DAG1: variants seen among roughly 807,000 people sequenced by gnomAD.
DAG1 encodes the protein dystroglycan 1 (dystrophin-associated glycoprotein 1).
Under a neutral mutation model 46.1 loss-of-function variants are expected in DAG1, and 8 were observed. The ratio of observed to expected loss-of-function variants is 0.17; its 90% CI spans 0.10 to 0.31. DAG1 has a LOEUF of 0.31. DAG1 is among the 10% of genes least tolerant of loss of function. The probability of loss-of-function intolerance (pLI) is 1.00; values close to 1 mark genes in which losing one functional copy is unlikely to be tolerated. For missense variants in DAG1, 1,003 were observed against 1,189.9 expected (o/e 0.84, Z 2.31); for synonymous variants, 495 against 481.8 (o/e 1.03, Z -0.36).
intron 1 of DAG1, among the ~76,000 whole-genome samples, chr3:49,478,583 G>C (rs1286468308): frequency 9.4e-6 from 1 of 106,340 alleles, no homozygotes; most frequent in Non-Finnish European, 1.8e-5. Flanking sequence ...TTGCCATGTT[G>C]CCCACGCTGG....
intron 2 of DAG1, among the ~76,000 whole-genome samples, chr3:49,514,347 T>C (rs1216509775): frequency 6.6e-6 from 1 of 152,238 alleles, no homozygotes; most frequent in East Asian, 1.9e-4. Flanking sequence ...AAAAAATCTG[T>C]GGTTTCTACC....
At chr3:49,492,287 T>G (rs746851249) in intron 1 of DAG1, among the ~76,000 whole-genome samples, 24 of 152,226 alleles carry the variant, frequency 1.6e-4, no homozygotes, top group Non-Finnish European at 3.5e-4. Context: ...GACAGATACA[T>G]AACAATACAT....
At chr3:49,488,523 AAT>A (rs1285952151) in intron 1 of DAG1, 1 of 152,214 alleles carries the variant, frequency 6.6e-6, no homozygotes, top group Non-Finnish European at 1.5e-5. Context: ...TGCCACACAC[AAT>A]AGGGGTGAAT....
intron 1 of DAG1, among the ~76,000 whole-genome samples, chr3:49,478,545 T>TA (rs1559546731): frequency 3.4e-5 from 5 of 147,238 alleles, no homozygotes; most frequent in South Asian, 2.1e-4. Flanking sequence ...TTTTTTTTTT[T>TA]TTTTTTAAAT....
chr3:49,505,275 C>A (rs984498710), intron 1 of DAG1, among the ~76,000 whole-genome samples: 1 of 151,988 alleles, frequency 6.6e-6, no homozygotes, highest in Non-Finnish European at 1.5e-5. Context: ...AGCCACTGCA[C>A]CCCGCCCTTA....
intron 2 of DAG1, 53 bp downstream of exon 2, chr3:49,510,872 G>A: frequency 2.5e-6 from 4 of 1,599,890 alleles, no homozygotes; most frequent in Non-Finnish European, 3.4e-6. Flanking sequence ...TTCCATTTTA[G>A]TTTTGGTGGC....
Position 49,507,622 on chromosome 3 carries a change from CTTTTTTTTCT to C in DAG1, c.-116-2782_-116-2773del, listed in dbSNP as rs548719589. 9.7e-4 allele frequency among the ~76,000 whole-genome samples: 146 copies of C among 151,246 alleles called. 4 individuals are homozygous for C. In the South Asian group the frequency reaches 0.027, roughly 28 times the overall value. On this transcript the variant is annotated intron_variant, in intron 1 of 2. Transcript: ENST00000308775. ...TCAATTTCCTTAATATTTTTCTTTT[CTTTTTTTTCT>C]TTTTTTTTCTTTTTCTTTTTCTTTT...
chr3:49,488,611 A>T lies in DAG1; in HGVS notation c.-117+18178A>T, dbSNP rs4855860. 0.9 allele frequency: 135,755 copies of T among 150,356 alleles called. 61,279 individuals are homozygous for T. The highest frequency in any genetic ancestry group is 0.98 in the East Asian group (5,055 of 5,146). 9.3% of individuals were successfully genotyped at this position (150,356 alleles called of 1,614,324 possible). Reference sequence around the variant, plus strand: ...TAGAAAAAGGAACGGTTATTTATTTATTTTTTTTTGATAGGGATTCTCATT... The same window carrying T: ...TAGAAAAAGGAACGGTTATTTATTTTTTTTTTTTTGATAGGGATTCTCATT... On this transcript the variant is annotated intron_variant, in intron 1 of 2. Transcript: ENST00000308775.
At chr3:49,516,877 C>A (rs1238659502) in intron 2 of DAG1, among the ~76,000 whole-genome samples, 2 of 151,650 alleles carry the variant, frequency 1.3e-5, no homozygotes, top group Admixed American at 6.6e-5. Context: ...TTGAGCCGTT[C>A]AGCAGATAGT....
intron 2 of DAG1, among the ~76,000 whole-genome samples, chr3:49,529,033 T>G (rs2051270077): frequency 6.6e-6 from 1 of 151,962 alleles, no homozygotes; most frequent in Admixed American, 6.6e-5. Flanking sequence ...GTACTTTTAG[T>G]AGAGATGGGG....
chr3:49,526,583 G>A (rs951343543), intron 2 of DAG1, among the ~76,000 whole-genome samples: 3 of 152,142 alleles, frequency 2.0e-5, no homozygotes, highest in Admixed American at 1.3e-4. Context: ...CGGGCATAGT[G>A]GCAGTCACCT....
At chr3:49,504,451 G>T (rs77354079) in intron 1 of DAG1, among the ~76,000 whole-genome samples, 1 of 151,278 alleles carries the variant, frequency 6.6e-6, no homozygotes, top group Admixed American at 6.6e-5. Flanking sequence ...TTTTTTCCCC[G>T]TTGAATTGCT....
Position 49,510,814 on chromosome 3 carries a change from A to G in DAG1, c.280A>G (p.Ile94Val). Residue 94 changes from isoleucine to valine, a missense_variant, in exon 2 of 3, where the codon ATC becomes GTC. Around this residue, in one of 3 missense-constraint regions of DAG1, gnomAD observed 196 missense variants for 239.1 expected, o/e 0.82. Coordinates refer to ENST00000308775, the MANE Select transcript of DAG1 (RefSeq NM_004393.6). ...TDLIASSGDI[I>V]KVSAAGKEAL... ...TTTGATTGCCTCCAGTGGAGATATCATCAAGGTGAGACTGGATATAAAGCA... is the reference window on the plus strand; with the variant it reads ...TTTGATTGCCTCCAGTGGAGATATCGTCAAGGTGAGACTGGATATAAAGCA... The G allele has an allele frequency of 6.2e-7, 1 of 1,614,186 alleles. No homozygotes were observed. Among genetic ancestry groups the G allele is most frequent in the Non-Finnish European group, 8.5e-7 (1 of 1,180,038 alleles).
At chr3:49,477,474 G>A (rs1416572812) in intron 1 of DAG1, among the ~76,000 whole-genome samples, 1 of 152,028 alleles carries the variant, frequency 6.6e-6, no homozygotes, top group African/African-American at 2.4e-5. Flanking sequence ...GTAACTTTTT[G>A]TGGAGATGGG....
rs1553653579 is a variant in DAG1, at chr3:49,532,695, C to T, written c.2184C>T (p.Pro728=). Reference sequence around the variant, plus strand: ...CTGTGGTACCACCCAGGAGAGTGCCCTCAGAGGCGCCGCCCACAGAAGTGC... The same window carrying T: ...CTGTGGTACCACCCAGGAGAGTGCCTTCAGAGGCGCCGCCCACAGAAGTGC... The part of the protein sequence containing the change: ...FIPVVPPRRV[P]SEAPPTEVPD... The change falls in exon 3 of 3, where the codon CCC becomes CCT. Residue 728 remains proline, a synonymous_variant. Transcript: ENST00000308775. This position sits in a 1 kb window ranked among gnomAD's most constrained non-coding sequence, Gnocchi z 5.4. 6.2e-7 allele frequency: 1 copy of T among 1,614,152 alleles called. No homozygotes were observed. The highest frequency in any genetic ancestry group is 2.2e-5 in the East Asian group (1 of 44,882).
At chr3:49,492,389 G>A (rs1575360491) in intron 1 of DAG1, among the ~76,000 whole-genome samples, 2 of 152,330 alleles carry the variant, frequency 1.3e-5, no homozygotes, top group South Asian at 4.1e-4. Context: ...GTTTATGCCT[G>A]TAATCCCAGC....
In DAG1 at chr3:49,533,875, G is replaced by A. The variant is rs1242058639; in HGVS notation, c.*676G>A. On this transcript the variant is annotated 3_prime_UTR_variant, in exon 3 of 3. Coordinates refer to ENST00000308775, the MANE Select transcript of DAG1 (RefSeq NM_004393.6). ...AACTTGGTTGCTCTGATACCCCAGA[G>A]CCTGATTGGGGGCCTCCCGGCCCTG... 5.9e-6 allele frequency: 1 copy of A among 170,922 alleles called. No homozygotes were observed. The highest frequency in any genetic ancestry group is 1.3e-5 in the Non-Finnish European group (1 of 79,388). The allele number at this position is 170,922 out of a possible 1,614,324, so 10.6% of individuals were successfully genotyped here.
chr3:49,500,429 G>A (rs2050418181), intron 1 of DAG1, among the ~76,000 whole-genome samples: 1 of 152,194 alleles, frequency 6.6e-6, no homozygotes, highest in Non-Finnish European at 1.5e-5. Context: ...AACTAGCTCT[G>A]GTTCTTCTGG....
At chr3:49,474,639 C>T (rs1164001786) in intron 1 of DAG1, among the ~76,000 whole-genome samples, 1 of 152,064 alleles carries the variant, frequency 6.6e-6, no homozygotes, top group Non-Finnish European at 1.5e-5. Flanking sequence ...AGCCACTGCG[C>T]ACCGCCCTGA....
Sources: allele counts gnomAD v4.1 joint callset (sites outside exome capture counted in the v4.1 genomes callset), GRCh38; gene constraint gnomAD v4.1.1; regional missense constraint gnomAD v4.1.1; non-coding constraint Gnocchi (gnomAD v3.1); transcripts MANE v1.5; gene names NCBI Gene and HGNC (gene_info 2026-07-23, HGNC 2026-07-21).